AGPAT4: variants seen among roughly 807,000 people sequenced by gnomAD.
AGPAT4 encodes 1-acylglycerol-3-phosphate O-acyltransferase 4.
In AGPAT4, 15 loss-of-function variants were observed where a neutral mutation model predicts 48.0. The ratio of observed to expected loss-of-function variants is 0.31; its 90% confidence interval spans 0.21 to 0.48. The LOEUF is 0.48. AGPAT4 is among the 20% of genes least tolerant of loss of function. The pLI, the probability that AGPAT4 is intolerant of heterozygous loss-of-function variation, is 0.99. For synonymous variants in AGPAT4, 178 were observed against 198.7 expected (o/e 0.90, Z 0.88); for missense variants, 314 against 482.5 (o/e 0.65, Z 3.27).
Position 161,164,028 on chromosome 6 carries a change from AAGGGG to A in AGPAT4, c.348+2215_348+2219del, listed in dbSNP as rs1400107669. Among the ~76,000 whole-genome samples, 1 of 152,204 alleles carries A rather than the reference AAGGGG, an allele frequency of 6.6e-6. No homozygotes were observed. The highest frequency in any genetic ancestry group is 6.5e-5 in the Admixed American group (1 of 15,282). On this transcript the variant is annotated intron_variant, in intron 3 of 8. Coordinates refer to ENST00000320285, the MANE Select transcript of AGPAT4 (RefSeq NM_020133.3). This position sits in a 1 kb window ranked among gnomAD's most constrained non-coding sequence, Gnocchi z 7.4. ...TAAATAGAATATCACCGATGAAATC[AAGGGG>A]AGGTGCGGTCCCTATGCTGCAGGTG... is the stretch of plus-strand genomic sequence containing the variant.
chr6:161,164,052 G>A lies in AGPAT4; in HGVS notation c.348+2196C>T, dbSNP rs1416642611. Among the ~76,000 whole-genome samples, 2 of 152,208 alleles carry A rather than the reference G, an allele frequency of 1.3e-5. No homozygotes were observed. Among genetic ancestry groups the A allele is most frequent in the African/African-American group, 4.8e-5 (2 of 41,442 alleles). On this transcript the variant is annotated intron_variant, in intron 3 of 8. Transcript: ENST00000320285. This position sits in a 1 kb window ranked among gnomAD's most constrained non-coding sequence, Gnocchi z 7.4. ...CAAGGGGAGGTGCGGTCCCTATGCT[G>A]CAGGTGGGATGGGCGTGCTGTTGAC...
At position 161,173,842 on chromosome 6, in the gene AGPAT4, C is replaced by T. The variant is rs551816873; in HGVS notation, c.179-7425G>A. Among the ~76,000 whole-genome samples, 9 of 152,274 alleles carry T rather than the reference C, an allele frequency of 5.9e-5. No homozygotes were observed. In the East Asian group the frequency reaches 1.7e-3, roughly 29 times the overall value. The stretch of plus-strand genomic sequence containing the variant: ...TTTGTATAAGGTGTAAGGAAGGGAT[C>T]CAGTTTCAGCTTTCTACATATGGCT... On this transcript the variant is annotated intron_variant, in intron 2 of 8. Transcript: ENST00000320285.
chr6:161,237,006 G>A (rs543686312), intron 1 of AGPAT4, among the ~76,000 whole-genome samples: 2 of 152,068 alleles, frequency 1.3e-5, no homozygotes, highest in South Asian at 2.1e-4. Flanking sequence ...AAGGGATCGC[G>A]GAAACACAAA....
rs1317903343 is a variant in AGPAT4 at position 161,260,682 on chromosome 6, A to C, written c.-90+13256T>G. ...AAAAAAAAAAAAAAAAAAAAAAAAAACAGGATTCAGCCTGGGCAACATGGC... is the reference window on the plus strand; with the variant it reads ...AAAAAAAAAAAAAAAAAAAAAAAAACCAGGATTCAGCCTGGGCAACATGGC... On this transcript the variant is annotated intron_variant, in intron 1 of 8. Coordinates refer to ENST00000320285, the MANE Select transcript of AGPAT4 (RefSeq NM_020133.3). Among the ~76,000 whole-genome samples the C allele has an allele frequency of 2.1e-5, 3 of 139,656 alleles. No homozygotes were observed. The East Asian group carries it at 6.3e-4, about 30-fold the overall frequency. 91.6% of individuals were successfully genotyped at this position (139,656 alleles called of 152,430 possible).
rs1168158322 is a variant in AGPAT4 at position 161,197,968 on chromosome 6, A to G, written c.179-31551T>C. On this transcript the variant is annotated intron_variant, in intron 2 of 8. Coordinates refer to ENST00000320285, the MANE Select transcript of AGPAT4 (RefSeq NM_020133.3). The surrounding 1 kb of genome is among the most constrained non-coding windows in gnomAD (Gnocchi z 5.7). ...CTGGCAACTTGTTGGTTCTATTTTA[A>G]TAAGTTCCCTTTTTGATACGATGCA... Among the ~76,000 whole-genome samples, 1 of 152,192 alleles carries G rather than the reference A, an allele frequency of 6.6e-6. No individual in the cohort carries two copies. The highest frequency in any genetic ancestry group is 1.5e-5 in the Non-Finnish European group (1 of 68,038).
chr6:161,247,077 T>C (rs1782671619), intron 1 of AGPAT4, among the ~76,000 whole-genome samples: 2 of 152,236 alleles, frequency 1.3e-5, no homozygotes, highest in Admixed American at 1.3e-4. Context: ...GCACTGAAAC[T>C]GCATGAGGCT....
chr6:161,253,654 AC>A (rs142155218), intron 1 of AGPAT4, among the ~76,000 whole-genome samples: 22 of 151,772 alleles, frequency 1.4e-4, no homozygotes, highest in African/African-American at 4.6e-4. Flanking sequence ...AATATATTGC[AC>A]CCCCCAAGAT....
intron 2 of AGPAT4, among the ~76,000 whole-genome samples, chr6:161,199,843 G>A (rs1392174061): frequency 1.3e-5 from 2 of 152,212 alleles, no homozygotes; most frequent in African/African-American, 4.8e-5. Context: ...TGTACCGTGA[G>A]TTGATTAAAC....
In AGPAT4 at chr6:161,212,528, G is replaced by A. The variant is rs773690154; in HGVS notation, c.178+19508C>T. 1.3e-5 allele frequency among the ~76,000 whole-genome samples: 2 copies of A among 152,128 alleles called. No homozygotes were observed. The highest frequency in any genetic ancestry group is 1.9e-4 in the East Asian group (1 of 5,194). ...TTATACAGGAAACATTGTCAAATAC[G>A]AAATGGTGTTTGGTTTCCTTTAGGT... is the stretch of plus-strand genomic sequence containing the variant. On this transcript the variant is annotated intron_variant, in intron 2 of 8. Coordinates refer to ENST00000320285, the MANE Select transcript of AGPAT4 (RefSeq NM_020133.3). The surrounding 1 kb of genome is among the most constrained non-coding windows in gnomAD (Gnocchi z 6.1).
chr6:161,269,496 G>A (rs151011762), intron 1 of AGPAT4, among the ~76,000 whole-genome samples: 8 of 152,264 alleles, frequency 5.3e-5, no homozygotes, highest in Non-Finnish European at 8.8e-5. Context: ...TACCGCCAGG[G>A]CAGGCGCGGT....
intron 2 of AGPAT4, among the ~76,000 whole-genome samples, chr6:161,230,063 G>A (rs1434464812): frequency 2.6e-5 from 4 of 152,128 alleles, no homozygotes; most frequent in Non-Finnish European, 5.9e-5. Flanking sequence ...ATTTGTGATG[G>A]ATAAAAATCT....
rs761694107 is a variant in AGPAT4 at position 161,136,600 on chromosome 6, C to T, written c.1077G>A (p.Thr359=). The T allele has an allele frequency of 2.5e-6, 4 of 1,614,182 alleles. No homozygotes were observed. The highest frequency in any genetic ancestry group is 3.3e-5 in the Admixed American group (2 of 60,030). The change falls in exon 9 of 9, where the codon ACG becomes ACA. Residue 359 remains threonine (T), a synonymous_variant. Coordinates refer to ENST00000320285, the MANE Select transcript of AGPAT4 (RefSeq NM_020133.3). ...CGTAGGCAGAGCCCTTGTCAATTTC[C>T]GTCACACCAATCATCCATCGAACTC... ...SVGVRWMIGV[T]EIDKGSAYGN... is the part of the protein sequence containing the mutation.
chr6:161,236,799 G>A lies in AGPAT4; in HGVS notation c.-89-4497C>T, dbSNP rs1051109147. On this transcript the variant is annotated intron_variant, in intron 1 of 8. Transcript: ENST00000320285. The surrounding 1 kb of genome is among the most constrained non-coding windows in gnomAD (Gnocchi z 5.0). ...TGTCTGTAATCCCAGCTACTCGGGA[G>A]GCTGAGGCAGGCGAATCACTTAAAC... Among the ~76,000 whole-genome samples, 2 of 152,020 alleles carry A rather than the reference G, an allele frequency of 1.3e-5. No homozygotes were observed. The highest frequency in any genetic ancestry group is 2.9e-5 in the Non-Finnish European group (2 of 68,016).
Position 161,154,069 on chromosome 6 carries a change from C to T in AGPAT4, c.510+80G>A. The T allele has an allele frequency of 1.3e-6, 2 of 1,577,574 alleles. No homozygotes were observed. The highest frequency in any genetic ancestry group is 1.7e-6 in the Non-Finnish European group (2 of 1,151,180). On this transcript the variant is annotated intron_variant, in intron 4 of 8. Transcript: ENST00000320285. The surrounding 1 kb of genome is among the most constrained non-coding windows in gnomAD (Gnocchi z 7.8). ...CGCACAGGACCACACAGTCACGTGTCCTGTGGAAGTCACATGGGGGTCCCA... is the reference window on the plus strand; with the variant it reads ...CGCACAGGACCACACAGTCACGTGTTCTGTGGAAGTCACATGGGGGTCCCA...
In AGPAT4 at chr6:161,154,086, G is replaced by A. The variant is rs1464681873; in HGVS notation, c.510+63C>T. On this transcript the variant is annotated intron_variant, in intron 4 of 8. Coordinates refer to ENST00000320285, the MANE Select transcript of AGPAT4 (RefSeq NM_020133.3). The surrounding 1 kb of genome is among the most constrained non-coding windows in gnomAD (Gnocchi z 7.8). ...TCACGTGTCCTGTGGAAGTCACATGGGGGTCCCACGGTCACAGTCCTGCAG... is the reference window on the plus strand; with the variant it reads ...TCACGTGTCCTGTGGAAGTCACATGAGGGTCCCACGGTCACAGTCCTGCAG... 5.0e-6 allele frequency: 8 copies of A among 1,606,724 alleles called. No individual in the cohort carries two copies. In the African/African-American group the frequency reaches 9.4e-5, roughly 19 times the overall value.
At position 161,270,140 on chromosome 6, in the gene AGPAT4, T is replaced by C. The variant is rs919001746; in HGVS notation, c.-90+3798A>G. Among the ~76,000 whole-genome samples the C allele has an allele frequency of 1.3e-5, 2 of 152,264 alleles. No homozygotes were observed. The highest frequency in any genetic ancestry group is 4.8e-5 in the African/African-American group (2 of 41,464). ...CCCTTGTAAACCCATTTGAAAACTA[T>C]AACTATTTAAACTGTATCTTGTTTT... On this transcript the variant is annotated intron_variant, in intron 1 of 8. Coordinates refer to ENST00000320285, the MANE Select transcript of AGPAT4 (RefSeq NM_020133.3). The surrounding 1 kb of genome is among the most constrained non-coding windows in gnomAD (Gnocchi z 5.3).
rs964770150 is a variant in AGPAT4, at chr6:161,196,500, C to G, written c.179-30083G>C. ...CTAGAGTTACAAGTCACAGTTCAAT[C>G]TAATGTGTTAAGAAGCAAGGAGAGG... On this transcript the variant is annotated intron_variant, in intron 2 of 8. Transcript: ENST00000320285. The surrounding 1 kb of genome is among the most constrained non-coding windows in gnomAD (Gnocchi z 4.3). Among the ~76,000 whole-genome samples the G allele has an allele frequency of 2.6e-5, 4 of 151,992 alleles. No individual in the cohort carries two copies. Among genetic ancestry groups the G allele is most frequent in the African/African-American group, 9.7e-5 (4 of 41,374 alleles).
rs1276225265 is a variant in AGPAT4 at position 161,244,462 on chromosome 6, A to C, written c.-89-12160T>G. ...AATTTAAAATGTTGGCAGTTTCCTT[A>C]AGCTTATTTCATCATTTAGTATTTT... On this transcript the variant is annotated intron_variant, in intron 1 of 8. Transcript: ENST00000320285. This position sits in a 1 kb window ranked among gnomAD's most constrained non-coding sequence, Gnocchi z 4.7. 6.6e-6 allele frequency among the ~76,000 whole-genome samples: 1 copy of C among 152,204 alleles called. No individual in the cohort carries two copies. The highest frequency in any genetic ancestry group is 1.5e-5 in the Non-Finnish European group (1 of 68,032).
chr6:161,138,714 C>A lies in AGPAT4; in HGVS notation c.1042+708G>T, dbSNP rs971874522. On this transcript the variant is annotated intron_variant, in intron 8 of 8. Transcript: ENST00000320285. The surrounding 1 kb of genome is among the most constrained non-coding windows in gnomAD (Gnocchi z 4.8). ...TGGACAATGTGCCGTCTCTCCCGGGCTCTCCAAAGCCTCAGAGGACGCCAG... is the reference window on the plus strand; with the variant it reads ...TGGACAATGTGCCGTCTCTCCCGGGATCTCCAAAGCCTCAGAGGACGCCAG... 6.6e-6 allele frequency among the ~76,000 whole-genome samples: 1 copy of A among 152,182 alleles called. No homozygotes were observed. Among genetic ancestry groups the A allele is most frequent in the East Asian group, 1.9e-4 (1 of 5,192 alleles).
Sources: gnomAD v4.1 joint callset for allele counts (sites outside exome capture counted in the v4.1 genomes callset) on GRCh38, gnomAD v4.1.1 for gene constraint, Gnocchi (gnomAD v3.1) non-coding constraint, MANE v1.5 for transcripts, NCBI Gene and HGNC (gene_info 2026-07-23, HGNC 2026-07-21) for gene names.